Variants in MCTP1 observed in about 807,000 individuals in gnomAD.
The protein encoded by MCTP1 is multiple C2 and transmembrane domain containing 1, also known as multiple C2 and transmembrane domain-containing protein 1.
A neutral mutation model predicts 120.6 loss-of-function variants in MCTP1; 69 were observed. The observed-to-expected ratio is 0.57, with a 90% CI of 0.47 to 0.70. The LOEUF is 0.70. Ranked by LOEUF, MCTP1 falls within the 30% of genes least tolerant of loss-of-function variation. MCTP1 has a pLI of 0.00. For synonymous variants in MCTP1, 529 were observed against 493.1 expected (o/e 1.07, Z -0.96); for missense variants, 1,203 against 1,248.8 (o/e 0.96, Z 0.55).
chr5:94,819,118 T>TATTC (rs140930016), intron 17 of MCTP1, among the ~76,000 whole-genome samples: 3,474 of 140,678 alleles, frequency 0.025, 65 homozygotes, highest in Non-Finnish European at 0.031. Context: ...TTTATTTATT[T>TATTC]ATTCATTCAT....
At chr5:95,029,152 T>C (rs751931582) in intron 1 of MCTP1, among the ~76,000 whole-genome samples, 35 of 41,260 alleles carry the variant, frequency 8.5e-4, no homozygotes, top group Non-Finnish European at 2.4e-3. Flanking sequence ...CGAGACTCCA[T>C]CTCAAAAAAA....
At chr5:95,025,339 T>C (rs1044938654) in intron 1 of MCTP1, among the ~76,000 whole-genome samples, 1 of 152,124 alleles carries the variant, frequency 6.6e-6, no homozygotes, top group Non-Finnish European at 1.5e-5. Flanking sequence ...CTTTAATAAA[T>C]GGAGTTGGAA....
chr5:94,827,133 T>C (rs1265753738), intron 17 of MCTP1, among the ~76,000 whole-genome samples: 1 of 152,176 alleles, frequency 6.6e-6, no homozygotes, highest in Non-Finnish European at 1.5e-5. Context: ...TATTTAGTGC[T>C]TCCTTCAGGA....
Position 94,951,269 on chromosome 5 carries a change from T to C in MCTP1, c.981+1950A>G, listed in dbSNP as rs548230885. On this transcript the variant is annotated intron_variant, in intron 3 of 22. Transcript: ENST00000515393. ...ATTTCTTTTTGAGCCTAGTAAGACA[T>C]TCCTTTTGAAAAATGCATCTTGGCA... 2.5e-4 allele frequency among the ~76,000 whole-genome samples: 38 copies of C among 152,298 alleles called. No homozygotes were observed. In the South Asian group the frequency reaches 7.9e-3, roughly 32 times the overall value.
chr5:94,817,964 G>A (rs79079137), intron 17 of MCTP1, among the ~76,000 whole-genome samples: 14,495 of 152,092 alleles, frequency 0.095, 800 homozygotes, highest in African/African-American at 0.12. Flanking sequence ...ACCCAGACCT[G>A]GTCAAAAAGA....
chr5:95,013,093 G>C (rs1281525837), intron 2 of MCTP1, among the ~76,000 whole-genome samples: 1 of 152,124 alleles, frequency 6.6e-6, no homozygotes, highest in East Asian at 1.9e-4. Flanking sequence ...TGCTGATATA[G>C]AGAAAGTGGG....
At chr5:95,277,461 C>T (rs1453331332) in intron 1 of MCTP1, among the ~76,000 whole-genome samples, 2 of 152,214 alleles carry the variant, frequency 1.3e-5, no homozygotes, top group African/African-American at 4.8e-5. Flanking sequence ...TATCATTTCA[C>T]AAACATAAAG....
At chr5:94,817,693 G>A (rs1784766788) in intron 17 of MCTP1, among the ~76,000 whole-genome samples, 1 of 152,192 alleles carries the variant, frequency 6.6e-6, no homozygotes, top group Non-Finnish European at 1.5e-5. Flanking sequence ...TTATTATGGG[G>A]AAGGCAGCAT....
chr5:95,215,013 A>T (rs1402922193), intron 1 of MCTP1, among the ~76,000 whole-genome samples: 2 of 147,898 alleles, frequency 1.4e-5, no homozygotes, highest in Non-Finnish European at 3.0e-5. Flanking sequence ...TTAAAGTATA[A>T]AAAAAAAAGA....
chr5:94,898,986 T>C (rs1804796923), intron 10 of MCTP1, among the ~76,000 whole-genome samples: 1 of 152,216 alleles, frequency 6.6e-6, no homozygotes, highest in Non-Finnish European at 1.5e-5. Context: ...ATCAAAAAGC[T>C]AAGAGAACAA....
intron 1 of MCTP1, among the ~76,000 whole-genome samples, chr5:95,188,996 A>G (rs978100119): frequency 6.6e-6 from 1 of 152,172 alleles, no homozygotes; most frequent in Non-Finnish European, 1.5e-5. Context: ...AATCTAAAAA[A>G]TCTCAAAATA....
intron 16 of MCTP1, among the ~76,000 whole-genome samples, chr5:94,869,455 T>G (rs975135707): frequency 6.6e-6 from 1 of 152,082 alleles, no homozygotes; most frequent in African/African-American, 2.4e-5. Context: ...TTTTCCTTCT[T>G]TGCCCCTATC....
chr5:94,920,845 C>T (rs1448552098), intron 7 of MCTP1, among the ~76,000 whole-genome samples: 2 of 152,012 alleles, frequency 1.3e-5, no homozygotes, highest in African/African-American at 2.4e-5. Context: ...CACACTTTTG[C>T]TTGACCTGAC....
chr5:94,844,056 A>G (rs1791713976), intron 17 of MCTP1, among the ~76,000 whole-genome samples: 1 of 152,100 alleles, frequency 6.6e-6, no homozygotes, highest in Non-Finnish European at 1.5e-5. Context: ...TAATCTCAAC[A>G]CTTTGGGAGG....
chr5:95,222,417 AATC>A lies in MCTP1; in HGVS notation c.720+61436_720+61438del, dbSNP rs1240329797. ...ATTAGCAGTCTCTGCTTCAATTAAG[AATC>A]ATATTTTAATAGTCAAAGCTTGCTA... On this transcript the variant is annotated intron_variant, in intron 1 of 22. Coordinates refer to ENST00000515393, the MANE Select transcript of MCTP1 (RefSeq NM_024717.7). 2.0e-5 allele frequency among the ~76,000 whole-genome samples: 3 copies of A among 152,378 alleles called. No homozygotes were observed. The East Asian group carries it at 5.8e-4, about 29-fold the overall frequency.
intron 17 of MCTP1, among the ~76,000 whole-genome samples, chr5:94,825,770 T>TAC (rs146690839): frequency 0.025 from 3,702 of 151,100 alleles, 55 homozygotes; most frequent in African/African-American, 0.039. Context: ...TATACATATA[T>TAC]ACACACACAC....
chr5:95,182,259 T>C (rs1330237769), intron 1 of MCTP1, among the ~76,000 whole-genome samples: 1 of 152,096 alleles, frequency 6.6e-6, no homozygotes, highest in Non-Finnish European at 1.5e-5. Context: ...TTCTCAAAGA[T>C]ACATCATGAT....
intron 1 of MCTP1, among the ~76,000 whole-genome samples, chr5:95,100,082 G>A (rs1327790361): frequency 4.1e-5 from 6 of 145,642 alleles, no homozygotes; most frequent in Non-Finnish European, 6.0e-5. Context: ...ATGAGAACAC[G>A]TGGACACAGG....
intron 17 of MCTP1, among the ~76,000 whole-genome samples, chr5:94,832,075 A>G (rs1788637339): frequency 6.6e-6 from 1 of 152,204 alleles, no homozygotes; most frequent in South Asian, 2.1e-4. Context: ...GTATTAAAAG[A>G]TTTTTGAAAA....
Sources: allele counts gnomAD v4.1 joint callset (sites outside exome capture counted in the v4.1 genomes callset), GRCh38; gene constraint gnomAD v4.1.1; transcripts MANE v1.5; gene names NCBI Gene and HGNC (gene_info 2026-07-23, HGNC 2026-07-21).